FRAS1: variants seen among roughly 807,000 people sequenced by gnomAD.
FRAS1 encodes extracellular matrix organizing protein FRAS1.
Under a neutral mutation model 435.2 loss-of-function variants are expected in FRAS1, and 290 were observed. That is an observed-to-expected ratio of 0.67 (90% CI 0.61 to 0.73). The LOEUF (loss-of-function observed/expected upper bound fraction) is 0.73. FRAS1 is among the 30% of genes least tolerant of loss of function. FRAS1 has a pLI of 0.00. For missense variants in FRAS1, 4,860 were observed against 5,001.5 expected (o/e 0.97, Z 0.85); for synonymous variants, 1,800 against 1,851.0 (o/e 0.97, Z 0.71).
chr4:78,509,620 G>A lies in FRAS1; in HGVS notation c.9780+614G>A, dbSNP rs955971242. ...TGGGAGGCCATGAAAAGACATTTGT[G>A]CAGCAGTTGCTGTCCTCAAAAAGCT... is the stretch of plus-strand genomic sequence containing the variant. On this transcript the variant is annotated intron_variant, in intron 63 of 73. Transcript: ENST00000512123. Among the ~76,000 whole-genome samples, 9 of 152,278 alleles carry A rather than the reference G, an allele frequency of 5.9e-5. 1 individual carries two copies. The highest frequency in any genetic ancestry group is 3.9e-4 in the East Asian group (2 of 5,182).
At chr4:78,074,316 A>G (rs781050674) in intron 2 of FRAS1, among the ~76,000 whole-genome samples, 8 of 152,184 alleles carry the variant, frequency 5.3e-5, no homozygotes, top group Non-Finnish European at 7.4e-5. Flanking sequence ...TACTGTATTG[A>G]GTTTCCCTAT....
chr4:78,075,847 A>T (rs1034085443), intron 2 of FRAS1, among the ~76,000 whole-genome samples: 1 of 152,186 alleles, frequency 6.6e-6, no homozygotes, highest in African/African-American at 2.4e-5. Context: ...AGGATATAGG[A>T]TCAGTATAAG....
At chr4:78,356,841 A>G (rs1730876656) in intron 20 of FRAS1, among the ~76,000 whole-genome samples, 1 of 152,172 alleles carries the variant, frequency 6.6e-6, no homozygotes, top group Non-Finnish European at 1.5e-5. Flanking sequence ...ACAAAAACAC[A>G]GAGACCTTGG....
intron 2 of FRAS1, among the ~76,000 whole-genome samples, chr4:78,183,851 TC>T (rs1722154263): frequency 9.3e-5 from 1 of 10,746 alleles, no homozygotes; most frequent in African/African-American, 1.0e-4. Context: ...ATTGAAAAGT[TC>T]AAAATAAATA....
chr4:78,229,507 T>C (rs1724423802), intron 2 of FRAS1, among the ~76,000 whole-genome samples: 1 of 152,080 alleles, frequency 6.6e-6, no homozygotes. Context: ...GAGTATGCTG[T>C]TGCAGGCATG....
At chr4:78,520,171 A>C (rs1721341721) in intron 67 of FRAS1, among the ~76,000 whole-genome samples, 1 of 149,312 alleles carries the variant, frequency 6.7e-6, no homozygotes, top group South Asian at 2.1e-4. Flanking sequence ...ACCTCCTCCT[A>C]CTGCTTCCAC....
chr4:78,384,879 G>A (rs1364043143), intron 28 of FRAS1, among the ~76,000 whole-genome samples: 1 of 137,312 alleles, frequency 7.3e-6, no homozygotes, highest in Non-Finnish European at 1.5e-5. Context: ...CCGTGCCCCA[G>A]CCTGAGCAAC....
At chr4:78,458,307 C>G (rs1373221039) in intron 47 of FRAS1, among the ~76,000 whole-genome samples, 3 of 152,162 alleles carry the variant, frequency 2.0e-5, no homozygotes, top group Non-Finnish European at 2.9e-5. Context: ...TTTAGGCTAC[C>G]TAGTCATGAC....
rs534285268 is a variant in FRAS1, at chr4:78,287,722, C to T, written c.1534+1183C>T. 3.3e-5 allele frequency among the ~76,000 whole-genome samples: 5 copies of T among 152,274 alleles called. 1 individual carries two copies. The highest frequency in any genetic ancestry group is 4.8e-5 in the African/African-American group (2 of 41,536). ...CAGATGTGCAGGCTAAATGAGCACT[C>T]GGGCCATATGCAGGTCCTATGTGGA... is the stretch of plus-strand genomic sequence containing the variant. On this transcript the variant is annotated intron_variant, in intron 14 of 73. Coordinates refer to ENST00000512123, the MANE Select transcript of FRAS1 (RefSeq NM_025074.7).
chr4:78,112,564 T>A lies in FRAS1; in HGVS notation c.108+46548T>A, dbSNP rs555311913. Among the ~76,000 whole-genome samples, 16 of 152,216 alleles carry A rather than the reference T, an allele frequency of 1.1e-4. No individual in the cohort carries two copies. In the South Asian group the frequency reaches 1.9e-3, roughly 18 times the overall value. The stretch of plus-strand genomic sequence containing the variant: ...TCATTAATATTTTGAACTCCAGAAA[T>A]GGCTTGTGAAACACTCTTGAAAGAT... On this transcript the variant is annotated intron_variant, in intron 2 of 73. Transcript: ENST00000512123.
At chr4:78,537,272 C>T (rs1721914715) in intron 72 of FRAS1, 72 bp downstream of exon 72, 2 of 1,370,618 alleles carry the variant, frequency 1.5e-6, no homozygotes, top group South Asian at 2.6e-5. Context: ...TGACTTCTGC[C>T]TAAAGTAGAT....
At chr4:78,515,067 C>CAAAAAAAAAA (rs34507669) in intron 65 of FRAS1, among the ~76,000 whole-genome samples, 4 of 136,576 alleles carry the variant, frequency 2.9e-5, no homozygotes, top group Non-Finnish European at 4.7e-5. Context: ...GACTCCATCT[C>CAAAAAAAAAA]AAAAAAAAAA....
chr4:78,258,776 T>C (rs540824964), intron 6 of FRAS1, among the ~76,000 whole-genome samples: 11 of 148,134 alleles, frequency 7.4e-5, no homozygotes, highest in African/African-American at 2.7e-4. Context: ...TACATATGTA[T>C]ACATGTGCCA....
At chr4:78,240,344 A>G (rs1322024621) in intron 3 of FRAS1, among the ~76,000 whole-genome samples, 2 of 152,104 alleles carry the variant, frequency 1.3e-5, no homozygotes, top group African/African-American at 4.8e-5. Context: ...TGGAGCACTG[A>G]TAGTGTAGGG....
intron 9 of FRAS1, among the ~76,000 whole-genome samples, chr4:78,275,769 T>C (rs922184325): frequency 4.6e-5 from 7 of 152,242 alleles, no homozygotes; most frequent in African/African-American, 1.7e-4. Context: ...ATTTCAACTT[T>C]GGTGAATCTG....
intron 2 of FRAS1, among the ~76,000 whole-genome samples, chr4:78,164,694 A>G (rs1450149221): frequency 1.3e-5 from 2 of 152,202 alleles, no homozygotes; most frequent in Admixed American, 1.3e-4. Flanking sequence ...AGATATAGGT[A>G]CAACTTAGTT....
At chr4:78,457,172 C>A (rs189300623) in intron 47 of FRAS1, among the ~76,000 whole-genome samples, 3 of 152,176 alleles carry the variant, frequency 2.0e-5, no homozygotes, top group Admixed American at 2.0e-4. Flanking sequence ...CATTAAAAGG[C>A]CCTTTGCTGA....
chr4:78,268,545 C>T (rs747520151), intron 9 of FRAS1, among the ~76,000 whole-genome samples: 2 of 152,252 alleles, frequency 1.3e-5, no homozygotes, highest in South Asian at 4.2e-4. Flanking sequence ...TTCCCTGCCT[C>T]GGCAGTCTGC....
At chr4:78,431,300 C>T (rs929431289) in intron 37 of FRAS1, among the ~76,000 whole-genome samples, 4 of 152,266 alleles carry the variant, frequency 2.6e-5, no homozygotes, top group Middle Eastern at 3.4e-3. Context: ...TTGAAACATT[C>T]CCAGGAGACT....
Sources: gnomAD v4.1 joint callset for allele counts (sites outside exome capture counted in the v4.1 genomes callset) on GRCh38, gnomAD v4.1.1 for gene constraint, MANE v1.5 for transcripts, NCBI Gene and HGNC (gene_info 2026-07-23, HGNC 2026-07-21) for gene names.